The following SPACA1 variants were observed in gnomAD, a reference collection of about 807,000 sequenced individuals.
The protein encoded by SPACA1 is sperm acrosome associated 1, also known as sperm acrosome membrane-associated protein 1.
Under a neutral mutation model 32.6 loss-of-function variants are expected in SPACA1, and 17 were observed. The ratio of observed to expected loss-of-function variants is 0.52; its 90% CI spans 0.36 to 0.78. The LOEUF (loss-of-function observed/expected upper bound fraction) is 0.78. Among genes scored for constraint, SPACA1 ranks in the 30% least tolerant of loss-of-function variants. SPACA1 has a pLI of 0.01. For synonymous variants in SPACA1, 140 were observed against 138.1 expected (o/e 1.01, Z -0.10); for missense variants, 363 against 373.4 (o/e 0.97, Z 0.23).
At chr6:88,049,512 A>T (rs1254323859) in intron 1 of SPACA1, among the ~76,000 whole-genome samples, 1 of 152,228 alleles carries the variant, frequency 6.6e-6, no homozygotes, top group East Asian at 1.9e-4. Flanking sequence ...CTGAGGTGTT[A>T]TAGGTCTGAA....
At position 88,066,202 on chromosome 6, in the gene SPACA1, G is replaced by C. The variant is rs781552345; in HGVS notation, c.752G>C (p.Trp251Ser). ...TCCAGGGCAGCAGTCAAGGCTTTCT[G>C]GGGGGCAAAAGCCTCTACACCTGAG... ...IINWAAVKAF[W>S]GAKASTPEVQ... The change falls in exon 7 of 7, where the codon TGG becomes TCG. Residue 251 changes from tryptophan (W) to serine (S), a missense_variant. By Grantham distance (177) the Trp-to-Ser change is radical. Coordinates refer to ENST00000237201, the MANE Select transcript of SPACA1 (RefSeq NM_030960.3). 1 of 1,589,968 alleles carries C rather than the reference G, an allele frequency of 6.3e-7. No homozygotes were observed. The highest frequency in any genetic ancestry group is 1.7e-5 in the Admixed American group (1 of 57,664).
intron 2 of SPACA1, among the ~76,000 whole-genome samples, chr6:88,055,907 G>A (rs932594647): frequency 6.6e-6 from 1 of 152,126 alleles, no homozygotes; most frequent in African/African-American, 2.4e-5. Flanking sequence ...GGAGGTGGAG[G>A]TTGCGTGAAC....
intron 1 of SPACA1, 106 bp from the exon 2 acceptor site, chr6:88,053,840 T>C (rs1475292289): frequency 8.6e-6 from 7 of 813,308 alleles, no homozygotes; most frequent in Non-Finnish European, 1.3e-5. Context: ...TTAAAAAATG[T>C]CTGCTGCCCA....
At chr6:88,047,764 G>A, upstream of SPACA1, 1 of 832,876 alleles carries the variant, frequency 1.2e-6, no homozygotes, top group Non-Finnish European at 1.8e-6. Flanking sequence ...GCAGCGCCCC[G>A]GCAACCATTG....
At chr6:88,055,723 C>T (rs1341642017) in intron 2 of SPACA1, among the ~76,000 whole-genome samples, 1 of 152,248 alleles carries the variant, frequency 6.6e-6, no homozygotes, top group Non-Finnish European at 1.5e-5. Flanking sequence ...GTAATCCCAG[C>T]ACTTTGGGAG....
In SPACA1 at chr6:88,066,277, A is replaced by T; in HGVS notation, c.827A>T (p.Asp276Val). The stretch of plus-strand genomic sequence containing the variant: ...AGATACAAAGATTCAACTTCTCTTG[A>T]CCAATTACCAACAGAAATGCCTGGT... ...SVRYKDSTSL[D>V]QLPTEMPGED... The change falls in exon 7 of 7, where the codon GAC (aspartate) becomes GTC (valine). Residue 276 changes from aspartate (D) to valine (V), a missense_variant. By Grantham distance (152) the Asp-to-Val change is radical. Transcript: ENST00000237201. The T allele has an allele frequency of 1.2e-6, 2 of 1,612,678 alleles. No homozygotes were observed. The highest frequency in any genetic ancestry group is 2.2e-5 in the South Asian group (2 of 90,892).
At chr6:88,063,154 G>T (rs1775921371) in intron 5 of SPACA1, among the ~76,000 whole-genome samples, 1 of 152,102 alleles carries the variant, frequency 6.6e-6, no homozygotes, top group African/African-American at 2.4e-5. Context: ...AGTTCTCATG[G>T]TTTCTTAGAC....
intron 3 of SPACA1, among the ~76,000 whole-genome samples, chr6:88,058,020 T>C (rs551456582): frequency 1.3e-5 from 2 of 152,340 alleles, no homozygotes; most frequent in Admixed American, 6.5e-5. Flanking sequence ...GCTTTGGTCA[T>C]GTCATTTTGT....
chr6:88,061,936 T>A (rs770484306), intron 5 of SPACA1, among the ~76,000 whole-genome samples: 7 of 152,154 alleles, frequency 4.6e-5, no homozygotes, highest in Admixed American at 3.3e-4. Flanking sequence ...AAAATCTTCA[T>A]GCCCCTCACT....
In SPACA1 at chr6:88,053,530, G is replaced by A. The variant is rs140471217; in HGVS notation, c.209-416G>A. Among the ~76,000 whole-genome samples the A allele has an allele frequency of 4.0e-3, 613 of 152,220 alleles. 4 individuals carry two copies. Among genetic ancestry groups the A allele is most frequent in the African/African-American group, 0.011 (440 of 41,538 alleles). Reference sequence around the variant, plus strand: ...AACTTTTATCATTTTAATGAACACTGGTTAAGGGCTTCTTTTTGAATGGAA... The same window carrying A: ...AACTTTTATCATTTTAATGAACACTAGTTAAGGGCTTCTTTTTGAATGGAA... On this transcript the variant is annotated intron_variant, in intron 1 of 6. Coordinates refer to ENST00000237201, the MANE Select transcript of SPACA1 (RefSeq NM_030960.3).
intron 1 of SPACA1, among the ~76,000 whole-genome samples, chr6:88,050,805 T>C (rs1253003198): frequency 6.6e-6 from 1 of 152,246 alleles, no homozygotes; most frequent in Admixed American, 6.5e-5. Context: ...ATACCATCAT[T>C]ATGGATGATG....
At chr6:88,057,800 A>G (rs1246193688) in intron 3 of SPACA1, 87 bp downstream of exon 3, 8 of 1,021,792 alleles carry the variant, frequency 7.8e-6, no homozygotes, top group East Asian at 7.3e-5. Context: ...CACTGAGTAG[A>G]AGGAGGCAAC....
intron 5 of SPACA1, among the ~76,000 whole-genome samples, chr6:88,062,754 G>T (rs893436765): frequency 7.9e-5 from 12 of 152,092 alleles, no homozygotes. Flanking sequence ...TTCAAGGCCA[G>T]CCTGGGCAAT....
chr6:88,065,421 T>G (rs1267956883), intron 6 of SPACA1, among the ~76,000 whole-genome samples: 2 of 148,046 alleles, frequency 1.4e-5, no homozygotes, highest in South Asian at 2.1e-4. Flanking sequence ...TATACTATAT[T>G]TACATATATA....
At chr6:88,053,790 G>A (rs112549077) in intron 1 of SPACA1, among the ~76,000 whole-genome samples, 156 bp from the exon 2 acceptor site, 66 of 152,292 alleles carry the variant, frequency 4.3e-4, no homozygotes, top group African/African-American at 1.5e-3. Flanking sequence ...GACAATAACA[G>A]TACTCAGAAT....
chr6:88,056,349 G>A (rs1327447085), intron 2 of SPACA1, among the ~76,000 whole-genome samples: 1 of 152,028 alleles, frequency 6.6e-6, no homozygotes, highest in Non-Finnish European at 1.5e-5. Flanking sequence ...GCAAGACTCC[G>A]TCTCAAAAAA....
Position 88,054,064 on chromosome 6 carries a change from G to T in SPACA1, c.265+62G>T, listed in dbSNP as rs1283002178. Reference sequence around the variant, plus strand: ...AATTTGCGGGGGAGGAAAGGTAAAAGCAGATAGTGTGCAACTTTGTAACTT... The same window carrying T: ...AATTTGCGGGGGAGGAAAGGTAAAATCAGATAGTGTGCAACTTTGTAACTT... On this transcript the variant is annotated intron_variant, in intron 2 of 6. Coordinates refer to ENST00000237201, the MANE Select transcript of SPACA1 (RefSeq NM_030960.3). 17 of 1,477,728 alleles carry T rather than the reference G, an allele frequency of 1.2e-5. No homozygotes were observed. The East Asian group carries it at 3.4e-4, about 30-fold the overall frequency. The allele number at this position is 1,477,728 out of a possible 1,614,324, so 91.5% of individuals were successfully genotyped here.
chr6:88,057,626 G>A lies in SPACA1; in HGVS notation c.280G>A (p.Glu94Lys), dbSNP rs1286374483. ...CTVTCGIGVREVILTNGCPGG... is the reference protein window; with the variant it reads ...CTVTCGIGVRKVILTNGCPGG... Reference sequence around the variant, plus strand: ...TTAAACCAAAGGTATTGGTGTTAGAGAAGTTATATTAACAAATGGATGCCC... The same window carrying A: ...TTAAACCAAAGGTATTGGTGTTAGAAAAGTTATATTAACAAATGGATGCCC... The change falls in exon 3 of 7, where the codon GAA (glutamate) becomes AAA (lysine). Residue 94 changes from glutamate (E) to lysine (K), a missense_variant. Transcript: ENST00000237201. 6.2e-7 allele frequency: 1 copy of A among 1,613,510 alleles called. No homozygotes were observed. Among genetic ancestry groups the A allele is most frequent in the African/African-American group, 1.3e-5 (1 of 74,910 alleles).
intron 2 of SPACA1, 123 bp downstream of exon 2, chr6:88,054,125 C>A (rs1315176107): frequency 4.2e-6 from 3 of 718,968 alleles, no homozygotes; most frequent in Middle Eastern, 2.4e-4. Context: ...ATTTTTATTT[C>A]TAATAACTAT....
Sources: allele counts gnomAD v4.1 joint callset (sites outside exome capture counted in the v4.1 genomes callset), GRCh38; gene constraint gnomAD v4.1.1; transcripts MANE v1.5; gene names NCBI Gene and HGNC (gene_info 2026-07-23, HGNC 2026-07-21).